Variants in WNT3A observed in about 807,000 individuals in gnomAD.
WNT3A encodes protein Wnt-3a.
A neutral mutation model predicts 37.0 loss-of-function variants in WNT3A; 17 were observed. That is an observed-to-expected ratio of 0.46 (90% CI 0.31 to 0.69). WNT3A has a LOEUF of 0.69. Ranked by LOEUF, WNT3A falls within the 30% of genes least tolerant of loss-of-function variation. The pLI is 0.05. For missense variants in WNT3A, 411 were observed against 510.2 expected (o/e 0.81, Z 1.87); for synonymous variants, 187 against 211.0 (o/e 0.89, Z 0.99).
chr1:228,058,855 GC>G, intron 3 of WNT3A, 130 bp from the exon 4 acceptor site: 1 of 948,284 alleles, frequency 1.1e-6, no homozygotes, highest in Non-Finnish European at 1.5e-6. Context: ...CTGGGGCCCT[GC>G]CTGGGAGTCT....
intron 2 of WNT3A, among the ~76,000 whole-genome samples, chr1:228,026,272 T>C (rs1227178222): frequency 1.6e-4 from 25 of 152,168 alleles, no homozygotes. Flanking sequence ...GCCTCCTTTC[T>C]TCCTATTTGA....
intron 3 of WNT3A, among the ~76,000 whole-genome samples, chr1:228,058,350 G>A (rs750796640): frequency 1.3e-5 from 2 of 152,168 alleles, no homozygotes; most frequent in African/African-American, 2.4e-5. Context: ...ATGTTCACAT[G>A]CCCCTTCACG....
rs2030750833 is a variant in WNT3A, at chr1:228,022,805, C to G, written c.210C>G (p.Ile70Met). ...TCATGCCCAGCGTGGCCGAGGGCATCAAGATTGGCATCCAGGAGTGCCAGC... is the reference window on the plus strand; with the variant it reads ...TCATGCCCAGCGTGGCCGAGGGCATGAAGATTGGCATCCAGGAGTGCCAGC... The part of the protein sequence containing the change: ...VEIMPSVAEG[I>M]KIGIQECQHQ... Residue 70 changes from isoleucine (I) to methionine (M), a missense_variant, in exon 2 of 4, where the codon ATC (isoleucine) becomes ATG (methionine). Physicochemically the swap from Ile to Met is conservative, Grantham distance 10 (BLOSUM62 1). Coordinates refer to ENST00000284523, the MANE Select transcript of WNT3A (RefSeq NM_033131.4). 1 of 1,614,154 alleles carries G rather than the reference C, an allele frequency of 6.2e-7. No individual in the cohort carries two copies. The highest frequency in any genetic ancestry group is 1.3e-5 in the African/African-American group (1 of 75,064).
Position 228,059,693 on chromosome 1 carries a change from G to A in WNT3A, c.*228G>A, listed in dbSNP as rs2031755605. On this transcript the variant is annotated 3_prime_UTR_variant, in exon 4 of 4. Coordinates refer to ENST00000284523, the MANE Select transcript of WNT3A (RefSeq NM_033131.4). The stretch of plus-strand genomic sequence containing the variant: ...GGCTGGGCTGCTCCTGAATGAGGCG[G>A]AGCTCCAGGATGGGGAGGGGCTCTG... 4.5e-6 allele frequency: 6 copies of A among 1,342,844 alleles called. No homozygotes were observed. Among genetic ancestry groups the A allele is most frequent in the South Asian group, 4.1e-5 (2 of 48,816 alleles). 83.2% of individuals were successfully genotyped at this position (1,342,844 alleles called of 1,614,324 possible).
intron 2 of WNT3A, among the ~76,000 whole-genome samples, chr1:228,049,798 T>G (rs1370928891): frequency 1.3e-5 from 2 of 152,198 alleles, no homozygotes; most frequent in African/African-American, 4.8e-5. Context: ...TTGTGCCTTT[T>G]TTTTAAAGAC....
At chr1:228,021,414 G>A (rs1287233561) in intron 1 of WNT3A, among the ~76,000 whole-genome samples, 3 of 152,310 alleles carry the variant, frequency 2.0e-5, no homozygotes, top group Non-Finnish European at 4.4e-5. Flanking sequence ...GACCTCTCCC[G>A]CGGATGAGTG....
rs528689880 is a variant in WNT3A at position 228,031,906 on chromosome 1, C to T, written c.313+8998C>T. Among the ~76,000 whole-genome samples, 6 of 152,264 alleles carry T rather than the reference C, an allele frequency of 3.9e-5. No individual in the cohort carries two copies. The East Asian group carries it at 7.7e-4, about 20-fold the overall frequency. ...GCCAGGATGGGGTGCTTAGGGCTGC[C>T]ACTCCCCCTCTGAGAAGGAAGCAGC... On this transcript the variant is annotated intron_variant, in intron 2 of 3. Coordinates refer to ENST00000284523, the MANE Select transcript of WNT3A (RefSeq NM_033131.4). The surrounding 1 kb of genome is among the most constrained non-coding windows in gnomAD (Gnocchi z 4.8).
At chr1:228,023,734 T>C (rs1342585154) in intron 2 of WNT3A, among the ~76,000 whole-genome samples, 1 of 152,228 alleles carries the variant, frequency 6.6e-6, no homozygotes, top group African/African-American at 2.4e-5. Context: ...TTTGGTATAC[T>C]CACAGAATTG....
chr1:228,040,166 A>C (rs1187902548), intron 2 of WNT3A, among the ~76,000 whole-genome samples: 1 of 152,246 alleles, frequency 6.6e-6, no homozygotes, highest in Non-Finnish European at 1.5e-5. Flanking sequence ...GCAGGAGCCC[A>C]TAATGATGAG....
At chr1:228,009,773 G>A (rs1453580826) in intron 1 of WNT3A, among the ~76,000 whole-genome samples, 1 of 152,210 alleles carries the variant, frequency 6.6e-6, no homozygotes, top group Non-Finnish European at 1.5e-5. Context: ...CAGAGGGAGA[G>A]GCAAAGGTGT....
rs1487988543 is a variant in WNT3A at position 228,007,167 on chromosome 1, G to A, written c.39G>A (p.Leu13=). Reference sequence around the variant, plus strand: ...GATACTTCTTACTCCTCTGCAGCCTGAAGCAGGCTCTGGGCAGCTACCCGA... The same window carrying A: ...GATACTTCTTACTCCTCTGCAGCCTAAAGCAGGCTCTGGGCAGCTACCCGA... The part of the protein sequence containing the change: ...PLGYFLLLCS[L]KQALGSYPIW... Residue 13 remains leucine (L), a synonymous_variant, in exon 1 of 4, where the codon CTG becomes CTA. Coordinates refer to ENST00000284523, the MANE Select transcript of WNT3A (RefSeq NM_033131.4). This position sits in a 1 kb window ranked among gnomAD's most constrained non-coding sequence, Gnocchi z 6.0. 2 of 1,605,222 alleles carry A rather than the reference G, an allele frequency of 1.2e-6. No homozygotes were observed. The highest frequency in any genetic ancestry group is 3.4e-5 in the Admixed American group (2 of 59,562).
intron 2 of WNT3A, among the ~76,000 whole-genome samples, chr1:228,040,470 T>C (rs2031251671): frequency 6.6e-6 from 1 of 152,198 alleles, no homozygotes; most frequent in Non-Finnish European, 1.5e-5. Context: ...GGCTGCAGCC[T>C]TCTTTGCCAC....
chr1:228,022,987 A>T, intron 2 of WNT3A, 79 bp downstream of exon 2: 3 of 1,534,980 alleles, frequency 2.0e-6, no homozygotes, highest in Non-Finnish European at 2.6e-6. Context: ...TGACATTCTC[A>T]TCTGTGCACA....
intron 1 of WNT3A, among the ~76,000 whole-genome samples, chr1:228,020,731 C>T (rs1250262767): frequency 6.6e-6 from 1 of 152,258 alleles, no homozygotes; most frequent in South Asian, 2.1e-4. Flanking sequence ...ACAAGGGAGC[C>T]GACTGTGCAA....
At chr1:228,025,441 C>G (rs573470034) in intron 2 of WNT3A, among the ~76,000 whole-genome samples, 3 of 151,844 alleles carry the variant, frequency 2.0e-5, no homozygotes, top group Admixed American at 6.6e-5. Context: ...CTTGACCTTC[C>G]AGGTTCAAGC....
chr1:228,040,201 T>C (rs1489440155), intron 2 of WNT3A, among the ~76,000 whole-genome samples: 1 of 152,206 alleles, frequency 6.6e-6, no homozygotes, highest in Non-Finnish European at 1.5e-5. Context: ...TTGGGACCCC[T>C]CTGTCTGGGC....
intron 1 of WNT3A, among the ~76,000 whole-genome samples, chr1:228,021,275 TTTAA>T (rs982601733): frequency 6.6e-6 from 1 of 152,244 alleles, no homozygotes; most frequent in African/African-American, 2.4e-5. Flanking sequence ...TTTCTTGCAT[TTTAA>T]TTAATTTTAA....
chr1:228,015,245 G>A (rs1571792742), intron 1 of WNT3A, among the ~76,000 whole-genome samples: 1 of 152,180 alleles, frequency 6.6e-6, no homozygotes, highest in African/African-American at 2.4e-5. Context: ...TGCTAGCCCA[G>A]CCCTGCCGTT....
At chr1:228,044,522 A>G (rs1342828200) in intron 2 of WNT3A, among the ~76,000 whole-genome samples, 1 of 152,090 alleles carries the variant, frequency 6.6e-6, no homozygotes, top group Non-Finnish European at 1.5e-5. Flanking sequence ...AACAGCCATC[A>G]ATTTGGGTTG....
Sources: gnomAD v4.1 joint callset for allele counts (sites outside exome capture counted in the v4.1 genomes callset) on GRCh38, gnomAD v4.1.1 for gene constraint, Gnocchi (gnomAD v3.1) non-coding constraint, MANE v1.5 for transcripts, NCBI Gene and HGNC (gene_info 2026-07-23, HGNC 2026-07-21) for gene names.